ARHGAP32: variants seen among roughly 807,000 people sequenced by gnomAD.
ARHGAP32 encodes Rho GTPase activating protein 32.
In ARHGAP32, 51 loss-of-function variants were observed where a neutral mutation model predicts 186.5. The observed-to-expected ratio is 0.27, with a 90% CI of 0.22 to 0.35. The LOEUF is 0.35. Among genes scored for constraint, ARHGAP32 ranks in the 10% least tolerant of loss-of-function variants. The probability of loss-of-function intolerance (pLI) is 1.00; values close to 1 mark genes in which losing one functional copy is unlikely to be tolerated. For synonymous variants in ARHGAP32, 950 were observed against 964.3 expected (o/e 0.99, Z 0.27); for missense variants, 2,186 against 2,623.5 (o/e 0.83, Z 3.64).
chr11:128,978,393 T>G (rs1241348930), intron 19 of ARHGAP32, among the ~76,000 whole-genome samples: 1 of 152,210 alleles, frequency 6.6e-6, no homozygotes, highest in Non-Finnish European at 1.5e-5. Flanking sequence ...TTAAAAGAGT[T>G]ATAAACTTGA....
chr11:129,148,510 C>T (rs916866686), intron 2 of ARHGAP32, among the ~76,000 whole-genome samples: 3 of 152,208 alleles, frequency 2.0e-5, no homozygotes, highest in African/African-American at 7.2e-5. Flanking sequence ...CTATACCTCA[C>T]AGGGGCCTTC....
At chr11:129,050,818 T>C (rs535571230) in intron 10 of ARHGAP32, among the ~76,000 whole-genome samples, 1 of 152,204 alleles carries the variant, frequency 6.6e-6, no homozygotes, top group African/African-American at 2.4e-5. Context: ...AACAGGCCCA[T>C]GTGTGATGCT....
intron 1 of ARHGAP32, among the ~76,000 whole-genome samples, chr11:129,269,282 T>A (rs774962951): frequency 1.2e-4 from 18 of 151,754 alleles, no homozygotes; most frequent in East Asian, 1.9e-4. Context: ...AAAAATAAAT[T>A]AATTAATTAA....
chr11:129,182,943 C>T (rs973995218), intron 1 of ARHGAP32, among the ~76,000 whole-genome samples: 1 of 151,998 alleles, frequency 6.6e-6, no homozygotes. Flanking sequence ...TCACTGCACC[C>T]GGCCTTAAAA....
At chr11:129,018,718 C>T (rs531604535) in intron 11 of ARHGAP32, among the ~76,000 whole-genome samples, 1 of 152,238 alleles carries the variant, frequency 6.6e-6, no homozygotes, top group Admixed American at 6.5e-5. Context: ...TCAAATTAAT[C>T]TGTGATTCAC....
chr11:129,113,513 G>A (rs907913347), intron 5 of ARHGAP32, among the ~76,000 whole-genome samples: 20 of 151,918 alleles, frequency 1.3e-4, no homozygotes, highest in Admixed American at 1.2e-3. Flanking sequence ...CTATAAAATA[G>A]ACTAGTATTT....
chr11:129,172,188 A>G (rs1943779237), intron 1 of ARHGAP32, among the ~76,000 whole-genome samples: 1 of 152,222 alleles, frequency 6.6e-6, no homozygotes, highest in Non-Finnish European at 1.5e-5. Flanking sequence ...TTCCCTGGCC[A>G]GAACTTCCAA....
intron 5 of ARHGAP32, among the ~76,000 whole-genome samples, chr11:129,101,507 G>A (rs906680727): frequency 6.6e-6 from 1 of 152,146 alleles, no homozygotes; most frequent in Non-Finnish European, 1.5e-5. Context: ...AGAAAATAAT[G>A]TAACCAACCT....
At chr11:129,189,844 G>A (rs943238903) in intron 1 of ARHGAP32, among the ~76,000 whole-genome samples, 2 of 152,274 alleles carry the variant, frequency 1.3e-5, no homozygotes, top group African/African-American at 2.4e-5. Context: ...AAAGCAGATG[G>A]CACCTGGAAG....
chr11:129,062,389 T>C, intron 9 of ARHGAP32, 32 bp from the exon 10 acceptor site: 1 of 1,575,878 alleles, frequency 6.3e-7, no homozygotes, highest in Non-Finnish European at 8.7e-7. Flanking sequence ...GCAAAATGGT[T>C]TTAGTTAAAT....
chr11:129,014,853 G>T (rs1938254164), intron 11 of ARHGAP32, among the ~76,000 whole-genome samples: 1 of 152,116 alleles, frequency 6.6e-6, no homozygotes. Context: ...AATGTTTAAG[G>T]TTCTCTTATA....
At chr11:129,128,981 C>T (rs993694180) in intron 2 of ARHGAP32, among the ~76,000 whole-genome samples, 71 of 152,194 alleles carry the variant, frequency 4.7e-4, no homozygotes, top group Middle Eastern at 3.4e-3. Flanking sequence ...AGTGCCAAGA[C>T]TGCAGCCTCT....
intron 2 of ARHGAP32, among the ~76,000 whole-genome samples, chr11:129,134,001 T>C (rs1290436326): frequency 6.6e-6 from 1 of 152,180 alleles, no homozygotes; most frequent in Admixed American, 6.5e-5. Flanking sequence ...GGAACCTCGA[T>C]GGTGGTAGGA....
Position 128,966,417 on chromosome 11 carries a change from G to A in ARHGAP32, c.*2490C>T, listed in dbSNP as rs1298445439. The A allele has an allele frequency of 7.2e-5, 11 of 152,172 alleles. No individual in the cohort carries two copies. The highest frequency in any genetic ancestry group is 3.8e-4 in the East Asian group (2 of 5,198). 9.4% of individuals were successfully genotyped at this position (152,172 alleles called of 1,614,324 possible). A position where few individuals can be genotyped will look rare whatever the true frequency, so the allele number is the denominator to read the frequency against. ...ACAACATTAGAAAGGGAAAGATGCC[G>A]GAAAAGTGTTTCAAATAACTGAATC... is the stretch of plus-strand genomic sequence containing the variant. On this transcript the variant is annotated 3_prime_UTR_variant, in exon 23 of 23. Coordinates refer to ENST00000682385, the MANE Select transcript of ARHGAP32 (RefSeq NM_001378024.1).
intron 2 of ARHGAP32, among the ~76,000 whole-genome samples, chr11:129,162,416 T>C (rs1943549858): frequency 6.6e-6 from 1 of 152,280 alleles, no homozygotes; most frequent in South Asian, 2.1e-4. Flanking sequence ...TCCTTGACTC[T>C]TGGTAAGTCA....
chr11:129,238,972 C>CT (rs1944979583), intron 1 of ARHGAP32, among the ~76,000 whole-genome samples: 1 of 151,938 alleles, frequency 6.6e-6, no homozygotes, highest in Admixed American at 6.6e-5. Flanking sequence ...ATAGCTGGGA[C>CT]TACAGGCACA....
chr11:129,246,567 C>T (rs1945099874), intron 1 of ARHGAP32, among the ~76,000 whole-genome samples: 1 of 152,032 alleles, frequency 6.6e-6, no homozygotes, highest in Non-Finnish European at 1.5e-5. Context: ...AAAAAATTGA[C>T]ACAAAGCTAT....
intron 1 of ARHGAP32, among the ~76,000 whole-genome samples, chr11:129,197,947 T>C (rs968164415): frequency 6.6e-6 from 1 of 152,156 alleles, no homozygotes; most frequent in Non-Finnish European, 1.5e-5. Flanking sequence ...GAGGAAACAA[T>C]TCTTATGCAT....
chr11:129,001,512 A>C lies in ARHGAP32; in HGVS notation c.1046-3044T>G, dbSNP rs375688983. Among the ~76,000 whole-genome samples, 334 of 152,180 alleles carry C rather than the reference A, an allele frequency of 2.2e-3. 7 individuals are homozygous for C. In the South Asian group the frequency reaches 0.044, roughly 20 times the overall value. ...AGCTACTTATATATTCCAGTTATTC[A>C]TCCTTTGTCAGATGGGTAGTTTGCA... On this transcript the variant is annotated intron_variant, in intron 11 of 22. Transcript: ENST00000682385.
Sources: gnomAD v4.1 joint callset for allele counts (sites outside exome capture counted in the v4.1 genomes callset) on GRCh38, gnomAD v4.1.1 for gene constraint, MANE v1.5 for transcripts, NCBI Gene and HGNC (gene_info 2026-07-23, HGNC 2026-07-21) for gene names.